The following TENM3 variants were observed in gnomAD, a reference collection of about 807,000 sequenced individuals.
TENM3 encodes the protein teneurin-3.
A neutral mutation model predicts 255.1 loss-of-function variants in TENM3; 63 were observed. The ratio of observed to expected loss-of-function variants is 0.25; its 90% CI spans 0.20 to 0.30. TENM3 has a LOEUF of 0.30. Among genes scored for constraint, TENM3 ranks in the 10% least tolerant of loss-of-function variants. TENM3 has a pLI of 1.00. For synonymous variants in TENM3, 1,306 were observed against 1,322.3 expected (o/e 0.99, Z 0.27); for missense variants, 2,929 against 3,461.1 (o/e 0.85, Z 3.86).
chr4:182,790,262 G>T (rs553170917), intron 25 of TENM3, among the ~76,000 whole-genome samples: 111 of 149,010 alleles, frequency 7.4e-4, no homozygotes, highest in African/African-American at 2.4e-3. Context: ...ACCCAGCAGC[G>T]CGTGCTACAC....
At chr4:182,748,808 TC>T (rs940395673) in intron 19 of TENM3, among the ~76,000 whole-genome samples, 1 of 152,120 alleles carries the variant, frequency 6.6e-6, no homozygotes, top group African/African-American at 2.4e-5. Context: ...CCACGTAGAC[TC>T]CCCCACATTT....
intron 3 of TENM3, among the ~76,000 whole-genome samples, chr4:182,471,289 T>TTACACAG (rs1733098452): frequency 6.6e-6 from 1 of 152,232 alleles, no homozygotes; most frequent in Non-Finnish European, 1.5e-5. Context: ...ATGAACTTTC[T>TTACACAG]TACACAGTCA....
At chr4:182,722,263 G>A (rs957207741) in intron 13 of TENM3, among the ~76,000 whole-genome samples, 14 of 152,112 alleles carry the variant, frequency 9.2e-5, no homozygotes, top group Non-Finnish European at 1.6e-4. Context: ...GGAATTCAAG[G>A]ATTAGCATAG....
intron 1 of TENM3, among the ~76,000 whole-genome samples, chr4:182,315,789 C>G (rs1018704851): frequency 5.3e-5 from 8 of 152,042 alleles, no homozygotes; most frequent in Admixed American, 6.6e-5. Flanking sequence ...TTTATCCACC[C>G]ATTCTTTTTC....
chr4:182,570,353 A>C (rs1371185746), intron 3 of TENM3, among the ~76,000 whole-genome samples: 1 of 152,196 alleles, frequency 6.6e-6, no homozygotes, highest in East Asian at 1.9e-4. Flanking sequence ...AACGAAGTAG[A>C]TTTGCAAGGG....
At chr4:182,569,561 G>GA (rs59561269) in intron 3 of TENM3, among the ~76,000 whole-genome samples, 210 of 126,166 alleles carry the variant, frequency 1.7e-3, no homozygotes, top group East Asian at 8.8e-3. Context: ...CTCAAAAAAA[G>GA]AAAAAAAAAA....
intron 3 of TENM3, among the ~76,000 whole-genome samples, chr4:182,528,409 T>G (rs145229832): frequency 6.6e-6 from 1 of 152,186 alleles, no homozygotes; most frequent in Admixed American, 6.5e-5. Flanking sequence ...AGAATCAGTT[T>G]AGTAGAGGAA....
chr4:181,606,536 G>A, the TENM3 span, among the ~76,000 whole-genome samples: 3 of 152,246 alleles, frequency 2.0e-5, no homozygotes, highest in Admixed American at 2.0e-4. Context: ...ACTGTGGTCT[G>A]TAAGAAATGG....
At chr4:182,347,130 T>C (rs376023201) in intron 3 of TENM3, among the ~76,000 whole-genome samples, 15 of 151,698 alleles carry the variant, frequency 9.9e-5, no homozygotes, top group African/African-American at 3.4e-4. Flanking sequence ...GAAAAAAAAA[T>C]CAATATTTGA....
chr4:181,675,723 T>C, the TENM3 span, among the ~76,000 whole-genome samples: 10 of 152,244 alleles, frequency 6.6e-5, no homozygotes, highest in South Asian at 2.1e-3. Context: ...TTATCATTGC[T>C]CTACCGTTGC....
the TENM3 span, among the ~76,000 whole-genome samples, chr4:181,546,243 A>T: frequency 6.6e-6 from 1 of 152,158 alleles, no homozygotes; most frequent in Admixed American, 6.5e-5. Context: ...TAGCTGTCGC[A>T]GCTTCTTTTT....
intron 1 of TENM3, among the ~76,000 whole-genome samples, chr4:182,173,535 G>A (rs1014272844): frequency 6.6e-6 from 1 of 152,180 alleles, no homozygotes; most frequent in Non-Finnish European, 1.5e-5. Context: ...CCATGGTTAT[G>A]GAGTTTGGAA....
intron 3 of TENM3, among the ~76,000 whole-genome samples, chr4:182,366,065 G>A (rs1766411642): frequency 6.6e-6 from 1 of 152,108 alleles, no homozygotes. Context: ...TAGAGATATA[G>A]ATACAGATAT....
At chr4:182,700,356 T>C (rs1299809259) in intron 12 of TENM3, among the ~76,000 whole-genome samples, 1 of 152,240 alleles carries the variant, frequency 6.6e-6, no homozygotes, top group Non-Finnish European at 1.5e-5. Context: ...TGCCATTTCT[T>C]GAATATGACA....
At chr4:181,961,170 C>A in the TENM3 span, among the ~76,000 whole-genome samples, 1 of 151,564 alleles carries the variant, frequency 6.6e-6, no homozygotes, top group African/African-American at 2.4e-5. Flanking sequence ...CTACCTGATG[C>A]TTGCTGTCAA....
chr4:181,913,120 G>A, the TENM3 span, among the ~76,000 whole-genome samples: 5 of 152,264 alleles, frequency 3.3e-5, no homozygotes, highest in South Asian at 4.1e-4. Context: ...AAAATAGACC[G>A]GGATGAGCTG....
At chr4:181,680,455 A>AT in the TENM3 span, among the ~76,000 whole-genome samples, 1 of 152,136 alleles carries the variant, frequency 6.6e-6, no homozygotes, top group Non-Finnish European at 1.5e-5. Flanking sequence ...CAGTCAAACT[A>AT]CAGGTCGATA....
At position 182,435,564 on chromosome 4, in the gene TENM3, G is replaced by A. The variant is rs116408781; in HGVS notation, c.511+88635G>A. Among the ~76,000 whole-genome samples the A allele has an allele frequency of 5.3e-3, 801 of 152,314 alleles. 5 individuals are homozygous for A. The highest frequency in any genetic ancestry group is 0.018 in the African/African-American group (749 of 41,568). ...ATTAGATATTCTGTCTCCAGCATGGGAACAGGGCTGGCATCGGTGAACAGG... is the reference window on the plus strand; with the variant it reads ...ATTAGATATTCTGTCTCCAGCATGGAAACAGGGCTGGCATCGGTGAACAGG... On this transcript the variant is annotated intron_variant, in intron 3 of 27. Transcript: ENST00000511685.
At chr4:181,597,907 C>T in the TENM3 span, among the ~76,000 whole-genome samples, 3 of 152,148 alleles carry the variant, frequency 2.0e-5, no homozygotes, top group Admixed American at 2.0e-4. Context: ...GTTTCTAATG[C>T]ATTTCGCCTT....
Sources: allele counts gnomAD v4.1 joint callset (sites outside exome capture counted in the v4.1 genomes callset), GRCh38; gene constraint gnomAD v4.1.1; transcripts MANE v1.5; gene names NCBI Gene and HGNC (gene_info 2026-07-23, HGNC 2026-07-21).